The following ANKRD44 variants were observed in gnomAD, a reference collection of about 807,000 sequenced individuals.
The protein encoded by ANKRD44 is ankyrin repeat domain 44.
ANKRD44 carries 35 observed loss-of-function variants against 116.0 expected under a neutral mutation model. That is an observed-to-expected ratio of 0.30 (90% CI 0.23 to 0.40). ANKRD44 has a LOEUF of 0.40. ANKRD44 is among the 10% of genes least tolerant of loss of function. The pLI, the probability that ANKRD44 is intolerant of heterozygous loss-of-function variation, is 1.00. For synonymous variants in ANKRD44, 435 were observed against 461.8 expected, an observed-to-expected ratio of 0.94 and a Z score of 0.74; for missense variants, 1,014 against 1,242.6, an observed-to-expected ratio of 0.82 and a Z score of 2.77.
At chr2:197,277,493 C>T (rs755768158) in intron 1 of ANKRD44, among the ~76,000 whole-genome samples, 14 of 152,050 alleles carry the variant, frequency 9.2e-5, no homozygotes, top group Non-Finnish European at 1.6e-4. Context: ...CTCTGGAGAC[C>T]GTGACTGCAG....
At chr2:196,967,323 TCCTGCAGA>T (rs2075680552) in exon 22 of ANKRD44, 1 of 405,030 alleles carries the variant, frequency 2.5e-6, no homozygotes, top group African/African-American at 2.1e-5. Flanking sequence ...CAACCGCAGC[TCCTGCAGA>T]GTGTAACCCT....
intron 26 of ANKRD44, 118 bp downstream of exon 26, chr2:196,995,261 C>G (rs974548645): frequency 5.6e-5 from 33 of 587,548 alleles, no homozygotes; most frequent in Non-Finnish European, 8.6e-5. Flanking sequence ...GAAGCCAGGA[C>G]TGCATCTTTC....
chr2:197,221,002 C>T (rs2081572553), intron 1 of ANKRD44, among the ~76,000 whole-genome samples: 1 of 152,184 alleles, frequency 6.6e-6, no homozygotes, highest in African/African-American at 2.4e-5. Flanking sequence ...GTAATCCCAG[C>T]ACTTTGGGAG....
chr2:197,233,384 G>T (rs1369745000), intron 1 of ANKRD44, among the ~76,000 whole-genome samples: 1 of 152,070 alleles, frequency 6.6e-6, no homozygotes, highest in Admixed American at 6.5e-5. Context: ...GGGTAGACCT[G>T]CTAGAAAATA....
intron 16 of ANKRD44, among the ~76,000 whole-genome samples, chr2:197,031,623 T>C (rs2076709902): frequency 6.6e-6 from 1 of 152,260 alleles, no homozygotes; most frequent in South Asian, 2.1e-4. Context: ...AGAACTCCTT[T>C]CTAGTCAATA....
intron 1 of ANKRD44, among the ~76,000 whole-genome samples, chr2:197,190,910 T>C (rs535080805): frequency 6.6e-6 from 1 of 152,296 alleles, no homozygotes; most frequent in South Asian, 2.1e-4. Flanking sequence ...AGCACTAGCA[T>C]ATATAACACG....
chr2:197,126,903 T>C (rs2078988790), intron 4 of ANKRD44, among the ~76,000 whole-genome samples: 1 of 152,052 alleles, frequency 6.6e-6, no homozygotes, highest in Admixed American at 6.6e-5. Flanking sequence ...GAGCATCACT[T>C]GAGCTCAGGA....
intron 8 of ANKRD44, among the ~76,000 whole-genome samples, chr2:197,112,967 C>T (rs190842094): frequency 1.1e-4 from 13 of 121,756 alleles, no homozygotes; most frequent in Admixed American, 8.4e-4. Context: ...TTAATTAGAA[C>T]GGTAAGTTCA....
intron 16 of ANKRD44, among the ~76,000 whole-genome samples, chr2:197,040,376 C>CTTT (rs56405646): frequency 3.8e-4 from 47 of 122,670 alleles, no homozygotes; most frequent in South Asian, 5.1e-4. Flanking sequence ...GGAGGTAAGC[C>CTTT]TTTTTTTTTT....
rs537017327 is a variant in ANKRD44, at chr2:197,229,197, C to T, written c.28-42091G>A. On this transcript the variant is annotated intron_variant, in intron 1 of 27. Coordinates refer to ENST00000282272, the MANE Select transcript of ANKRD44 (RefSeq NM_001195144.2). The stretch of plus-strand genomic sequence containing the variant: ...AAAACACTTGATGTGAAGTTTCACA[C>T]AAAACACATGCAAATATAATATGAA... Among the ~76,000 whole-genome samples the T allele has an allele frequency of 5.3e-5, 8 of 152,250 alleles. No homozygotes were observed. In the East Asian group the frequency reaches 1.5e-3, roughly 29 times the overall value.
chr2:197,223,836 A>G (rs2081639608), intron 1 of ANKRD44, among the ~76,000 whole-genome samples: 1 of 152,218 alleles, frequency 6.6e-6, no homozygotes, highest in Non-Finnish European at 1.5e-5. Flanking sequence ...TTTGATGGCT[A>G]TATCTATTTG....
At chr2:197,116,680 A>G (rs2950820) in intron 8 of ANKRD44, among the ~76,000 whole-genome samples, 139,428 of 152,062 alleles carry the variant, frequency 0.92, 64,358 homozygotes, top group East Asian at 0.98. Flanking sequence ...TTCTGTACTC[A>G]TGCTATTACA....
intron 16 of ANKRD44, among the ~76,000 whole-genome samples, chr2:197,035,535 T>C (rs973553479): frequency 6.6e-6 from 1 of 152,152 alleles, no homozygotes; most frequent in African/African-American, 2.4e-5. Flanking sequence ...AAGGAGGTTC[T>C]CTGAGAAGAG....
chr2:197,192,625 C>G (rs7581683), intron 1 of ANKRD44, among the ~76,000 whole-genome samples: 59,274 of 152,002 alleles, frequency 0.39, 14,799 homozygotes, highest in African/African-American at 0.72. Flanking sequence ...TTTGTAGGAG[C>G]CAGTGCTTGC....
intron 15 of ANKRD44, 135 bp from the exon 16 acceptor site, chr2:197,078,949 G>A (rs1303152407): frequency 1.3e-5 from 9 of 713,962 alleles, no homozygotes; most frequent in African/African-American, 1.8e-5. Flanking sequence ...CTACAGCAAT[G>A]AAGTTTTATG....
intron 21 of ANKRD44, among the ~76,000 whole-genome samples, chr2:196,968,018 T>C (rs2125856629): frequency 6.6e-6 from 1 of 152,072 alleles, no homozygotes; most frequent in Non-Finnish European, 1.5e-5. Flanking sequence ...TCCTGAGGCT[T>C]CCCTAGAAGC....
intron 1 of ANKRD44, among the ~76,000 whole-genome samples, chr2:197,243,119 G>A (rs577189171): frequency 1.3e-5 from 2 of 152,276 alleles, no homozygotes; most frequent in Admixed American, 1.3e-4. Context: ...TAGATACACA[G>A]AATAATATTA....
chr2:196,994,772 C>T (rs896964969), intron 26 of ANKRD44: 1 of 152,522 alleles, frequency 6.6e-6, no homozygotes, highest in Non-Finnish European at 1.5e-5. Context: ...ATCCAACTGC[C>T]TCGGCCTCCC....
At chr2:197,231,550 C>T (rs2081863728) in intron 1 of ANKRD44, among the ~76,000 whole-genome samples, 1 of 152,116 alleles carries the variant, frequency 6.6e-6, no homozygotes, top group African/African-American at 2.4e-5. Context: ...TAGGCCAGTG[C>T]TTCTCGACAG....
Sources: allele counts gnomAD v4.1 joint callset (sites outside exome capture counted in the v4.1 genomes callset), GRCh38; gene constraint gnomAD v4.1.1; transcripts MANE v1.5; gene names NCBI Gene and HGNC (gene_info 2026-07-23, HGNC 2026-07-21).